KIAA0232: variants seen among roughly 807,000 people sequenced by gnomAD.
KIAA0232 encodes uncharacterized protein KIAA0232.
KIAA0232 carries 27 observed loss-of-function variants against 122.0 expected under a neutral mutation model. That is an observed-to-expected ratio of 0.22 (90% CI 0.16 to 0.31). The LOEUF (loss-of-function observed/expected upper bound fraction) is 0.31, where lower values mean the gene tolerates loss of function less well. Ranked by LOEUF, KIAA0232 falls within the 10% of genes least tolerant of loss-of-function variation. The pLI is 1.00. For missense variants in KIAA0232, 1,551 were observed against 1,634.2 expected (o/e 0.95, Z 0.88); for synonymous variants, 613 against 587.6 (o/e 1.04, Z -0.63).
At chr4:6,828,643 A>C (rs1028502901) in intron 3 of KIAA0232, among the ~76,000 whole-genome samples, 3 of 152,174 alleles carry the variant, frequency 2.0e-5, no homozygotes, top group East Asian at 1.9e-4. Flanking sequence ...AAATAGTCCA[A>C]TTCTTTTCTC....
Position 6,863,782 on chromosome 4 carries a change from A to G in KIAA0232, c.3400A>G (p.Asn1134Asp), listed in dbSNP as rs765500472. Residue 1134 changes from asparagine to aspartate, a missense_variant, in exon 7 of 10, where the codon AAT (asparagine) becomes GAT (aspartate). By Grantham distance (23) the Asn-to-Asp change is conservative (BLOSUM62 1). This residue lies in a region of KIAA0232 where 1,108 missense variants were observed against 1,154.8 expected (regional missense o/e 0.96). Transcript: ENST00000307659. ...ATTTGAATCTGAGAAAGATGAAGCAAATATTCCCATTCCTTCTCAAGTTGA... is the reference window on the plus strand; with the variant it reads ...ATTTGAATCTGAGAAAGATGAAGCAGATATTCCCATTCCTTCTCAAGTTGA... The part of the protein sequence containing the change: ...SEFESEKDEA[N>D]IPIPSQVDIF... The G allele has an allele frequency of 3.1e-6, 5 of 1,614,086 alleles. No homozygotes were observed. Among genetic ancestry groups the G allele is most frequent in the East Asian group, 4.5e-5 (2 of 44,894 alleles).
At chr4:6,798,230 T>C (rs1033733884) in intron 1 of KIAA0232, among the ~76,000 whole-genome samples, 21 of 152,170 alleles carry the variant, frequency 1.4e-4, no homozygotes, top group Non-Finnish European at 2.4e-4. Context: ...TCTTAATCCA[T>C]GAAATGGGAG....
intron 2 of KIAA0232, among the ~76,000 whole-genome samples, chr4:6,822,989 T>C (rs1718494412): frequency 1.4e-5 from 2 of 146,078 alleles, no homozygotes; most frequent in South Asian, 2.2e-4. Context: ...CCATGTGTTC[T>C]CATTGTTCAA....
chr4:6,878,429 A>G (rs1162373297), intron 9 of KIAA0232, among the ~76,000 whole-genome samples: 2 of 151,870 alleles, frequency 1.3e-5, no homozygotes, highest in Non-Finnish European at 1.5e-5. Context: ...ATATACATAC[A>G]TAAATCTTGT....
At chr4:6,845,130 C>CT (rs997098934) in intron 4 of KIAA0232, among the ~76,000 whole-genome samples, 13 of 152,178 alleles carry the variant, frequency 8.5e-5, no homozygotes, top group African/African-American at 2.9e-4. Context: ...CCATGGAACT[C>CT]TACTGTCCAA....
chr4:6,861,164 A>T lies in KIAA0232; in HGVS notation c.782A>T (p.Asn261Ile). The change falls in exon 7 of 10, where the codon AAT (asparagine) becomes ATT (isoleucine). Residue 261 changes from asparagine to isoleucine, a missense_variant. Physicochemically the swap from Asn to Ile is moderately radical, Grantham distance 149. Transcript: ENST00000307659. ...SKNEKENKFS[N>I]GTIEEKPALY... ...AACGAGAAGGAAAACAAATTTAGTA[A>T]TGGCACAATTGAAGAAAAGCCTGCT... 6.2e-7 allele frequency: 1 copy of T among 1,614,204 alleles called. No individual in the cohort carries two copies. The highest frequency in any genetic ancestry group is 8.5e-7 in the Non-Finnish European group (1 of 1,180,046).
Position 6,834,952 on chromosome 4 carries a change from AAAC to A in KIAA0232, c.232-7101_232-7099del, listed in dbSNP as rs1405881988. 9.9e-5 allele frequency among the ~76,000 whole-genome samples: 15 copies of A among 152,174 alleles called. 1 individual carries two copies. The South Asian group carries it at 1.2e-3, about 13-fold the overall frequency. Reference sequence around the variant, plus strand: ...ACTGCCCCAAAACTTAGTAGCATTAAAACAACAACAACAACACGATCATATGAC... The same window carrying A: ...ACTGCCCCAAAACTTAGTAGCATTAAAACAACAACAACACGATCATATGAC... On this transcript the variant is annotated intron_variant, in intron 3 of 9. Coordinates refer to ENST00000307659, the MANE Select transcript of KIAA0232 (RefSeq NM_014743.3).
chr4:6,859,123 A>G (rs949346651), intron 6 of KIAA0232, among the ~76,000 whole-genome samples: 10 of 142,796 alleles, frequency 7.0e-5, no homozygotes, highest in African/African-American at 2.4e-4. Flanking sequence ...AAAAAAAAAA[A>G]CAAGAAAGAA....
At chr4:6,849,471 C>A (rs1041248638) in intron 4 of KIAA0232, among the ~76,000 whole-genome samples, 2 of 152,174 alleles carry the variant, frequency 1.3e-5, no homozygotes, top group African/African-American at 4.8e-5. Flanking sequence ...TAAAAATTAA[C>A]CGGACGTGGT....
At chr4:6,841,994 T>C in intron 3 of KIAA0232, 73 bp from the exon 4 acceptor site, 4 of 1,532,086 alleles carry the variant, frequency 2.6e-6, no homozygotes, top group Non-Finnish European at 3.5e-6. Flanking sequence ...TGTGACTGAG[T>C]GTGTGTGGTA....
Position 6,863,984 on chromosome 4 carries a change from T to G in KIAA0232, c.3602T>G (p.Ile1201Ser). 1.9e-6 allele frequency: 3 copies of G among 1,614,106 alleles called. No homozygotes were observed. Among genetic ancestry groups the G allele is most frequent in the Non-Finnish European group, 8.5e-7 (1 of 1,179,958 alleles). Reference sequence around the variant, plus strand: ...GATTCCCAGGAGGAATCAACTGGGATTCTTTCAGTAGGAAAGCAAAATCAG... The same window carrying G: ...GATTCCCAGGAGGAATCAACTGGGAGTCTTTCAGTAGGAAAGCAAAATCAG... ...SLDSQEESTG[I>S]LSVGKQNQCL... The change falls in exon 7 of 10, where the codon ATT becomes AGT. Residue 1201 changes from isoleucine to serine, a missense_variant. Coordinates refer to ENST00000307659, the MANE Select transcript of KIAA0232 (RefSeq NM_014743.3).
intron 3 of KIAA0232, among the ~76,000 whole-genome samples, chr4:6,836,724 C>T (rs894875440): frequency 4.6e-5 from 7 of 151,900 alleles, no homozygotes; most frequent in South Asian, 2.1e-4. Context: ...TCCCTGAGTA[C>T]GTGAGATTAG....
intron 1 of KIAA0232, among the ~76,000 whole-genome samples, chr4:6,793,047 A>T (rs187334523): frequency 9.3e-4 from 142 of 152,226 alleles, no homozygotes; most frequent in African/African-American, 3.2e-3. Context: ...CCCACAAATT[A>T]TGTAGCCAGT....
chr4:6,784,086 A>G (rs73078545), intron 1 of KIAA0232, among the ~76,000 whole-genome samples: 3,712 of 152,064 alleles, frequency 0.024, 139 homozygotes, highest in African/African-American at 0.083. Flanking sequence ...TAGGCAAGCT[A>G]TAAAGATTTA....
intron 3 of KIAA0232, among the ~76,000 whole-genome samples, chr4:6,830,552 G>A (rs898546182): frequency 3.3e-5 from 5 of 151,734 alleles, no homozygotes; most frequent in African/African-American, 9.7e-5. Flanking sequence ...GATTACAGGC[G>A]TGCATTACCA....
Position 6,842,105 on chromosome 4 carries a change from T to C in KIAA0232, c.270T>C (p.Tyr90=), listed in dbSNP as rs755396440. 1.4e-5 allele frequency: 23 copies of C among 1,613,358 alleles called. No homozygotes were observed. Among genetic ancestry groups the C allele is most frequent in the Non-Finnish European group, 1.9e-5 (22 of 1,179,858 alleles). Residue 90 remains tyrosine, a synonymous_variant, in exon 4 of 10, where the codon TAT becomes TAC. Transcript: ENST00000307659. The part of the protein sequence containing the change: ...DIFLGWEKGA[Y]KKWGKSKKKC... ...TCCTGGGCTGGGAAAAAGGAGCTTA[T>C]AAGAAATGGGGAAAGAGTAAGAAAA...
chr4:6,819,364 C>A (rs1488719685), intron 2 of KIAA0232, among the ~76,000 whole-genome samples: 1 of 152,010 alleles, frequency 6.6e-6, no homozygotes, highest in Non-Finnish European at 1.5e-5. Context: ...GTGCATCTGA[C>A]ACAGGTCCAA....
rs200144630 is a variant in KIAA0232 at position 6,863,249 on chromosome 4, G to A, written c.2867G>A (p.Gly956Glu). The A allele has an allele frequency of 8.9e-5, 143 of 1,614,064 alleles. No homozygotes were observed. In the South Asian group the frequency reaches 1.5e-3, roughly 17 times the overall value. Residue 956 changes from glycine (G) to glutamate (E), a missense_variant, in exon 7 of 10, where the codon GGA becomes GAA. Coordinates refer to ENST00000307659, the MANE Select transcript of KIAA0232 (RefSeq NM_014743.3). ...WAVVPPSHTK[G>E]SLLQCAASDV... The stretch of plus-strand genomic sequence containing the variant: ...GTCGTACCACCTAGTCACACAAAAG[G>A]AAGTCTGTTACAGTGTGCAGCTTCT...
rs200758512 is a variant in KIAA0232, at chr4:6,863,326, T to G, written c.2944T>G (p.Phe982Val). 35 of 1,614,052 alleles carry G rather than the reference T, an allele frequency of 2.2e-5. No homozygotes were observed. Among genetic ancestry groups the G allele is most frequent in the Non-Finnish European group, 2.8e-5 (33 of 1,180,024 alleles). The stretch of plus-strand genomic sequence containing the variant: ...TGTCTTTATGACCCCAGGAAACAGT[T>G]TTGCTCCTGGGCACAGGCAGTTATG... ...TDVFMTPGNS[F>V]APGHRQLWKP... Residue 982 changes from phenylalanine to valine, a missense_variant, in exon 7 of 10, where the codon TTT becomes GTT. By Grantham distance (50) the Phe-to-Val change is conservative. Transcript: ENST00000307659.
Sources: gnomAD v4.1 joint callset for allele counts (sites outside exome capture counted in the v4.1 genomes callset) on GRCh38, gnomAD v4.1.1 for gene constraint, gnomAD v4.1.1 regional missense constraint, MANE v1.5 for transcripts, NCBI Gene and HGNC (gene_info 2026-07-23, HGNC 2026-07-21) for gene names.